Variants in AFF1 observed in about 807,000 individuals in gnomAD.
AFF1 encodes AF4/FMR2 family member 1.
AFF1 carries 48 observed loss-of-function variants against 121.7 expected under a neutral mutation model. The ratio of observed to expected loss-of-function variants is 0.39; its 90% CI spans 0.31 to 0.50. AFF1 has a LOEUF of 0.50. AFF1 is among the 20% of genes least tolerant of loss of function. AFF1 has a pLI of 0.76. For synonymous variants in AFF1, 613 were observed against 563.0 expected (o/e 1.09, Z -1.26); for missense variants, 1,523 against 1,511.7 (o/e 1.01, Z -0.12).
At chr4:87,041,996 C>G (rs1466656162) in intron 2 of AFF1, among the ~76,000 whole-genome samples, 1 of 145,100 alleles carries the variant, frequency 6.9e-6, no homozygotes, top group Non-Finnish European at 1.5e-5. Context: ...GGCGACAGAG[C>G]GAGACTCCAT....
chr4:86,991,851 T>C (rs1210177189), intron 2 of AFF1, among the ~76,000 whole-genome samples: 3 of 151,668 alleles, frequency 2.0e-5, no homozygotes, highest in Non-Finnish European at 2.9e-5. Context: ...TTTTTTTTTT[T>C]TTTACATCCT....
intron 2 of AFF1, among the ~76,000 whole-genome samples, chr4:87,022,596 ATCTGTG>A (rs1728089777): frequency 2.9e-5 from 3 of 102,692 alleles, no homozygotes; most frequent in Non-Finnish European, 5.9e-5. Context: ...ATCTATATCT[ATCTGTG>A]TGTATATATA....
intron 15 of AFF1, 35 bp from the exon 16 acceptor site, chr4:87,127,608 C>T (rs1728414415): frequency 1.9e-6 from 3 of 1,612,772 alleles, no homozygotes; most frequent in South Asian, 1.1e-5. Flanking sequence ...ATTTTTGGCT[C>T]ATATGACCTG....
At chr4:87,062,367 T>G (rs141824357) in intron 4 of AFF1, among the ~76,000 whole-genome samples, 2 of 152,218 alleles carry the variant, frequency 1.3e-5, no homozygotes, top group Non-Finnish European at 2.9e-5. Flanking sequence ...ATACAGGCAC[T>G]GATCCCATCC....
Position 87,102,351 on chromosome 4 carries a change from G to C in AFF1, c.1284-3277G>C, listed in dbSNP as rs182059811. Among the ~76,000 whole-genome samples the C allele has an allele frequency of 4.6e-5, 7 of 152,208 alleles. No homozygotes were observed. In the East Asian group the frequency reaches 1.2e-3, roughly 25 times the overall value. ...CTTCATAAGGGAAACATAACATATT[G>C]AGTTCCAATAGGAAAGTAGTTTTAT... On this transcript the variant is annotated intron_variant, in intron 8 of 20. Coordinates refer to ENST00000395146, the MANE Select transcript of AFF1 (RefSeq NM_001166693.3).
At chr4:87,108,972 G>A (rs1726201170) in intron 11 of AFF1, among the ~76,000 whole-genome samples, 1 of 152,110 alleles carries the variant, frequency 6.6e-6, no homozygotes, top group African/African-American at 2.4e-5. Flanking sequence ...TAAATCTAGA[G>A]GATTTATGCT....
intron 16 of AFF1, among the ~76,000 whole-genome samples, chr4:87,129,634 C>A (rs1224617883): frequency 6.6e-6 from 1 of 152,186 alleles, no homozygotes. Flanking sequence ...TTTGTTCTGT[C>A]ACTAATCTGA....
At chr4:86,997,505 G>C (rs1004776390) in intron 2 of AFF1, among the ~76,000 whole-genome samples, 1 of 152,032 alleles carries the variant, frequency 6.6e-6, no homozygotes, top group Non-Finnish European at 1.5e-5. Flanking sequence ...GCTCATGCCT[G>C]TAATCCCAGC....
chr4:86,978,172 A>C (rs993390870), intron 2 of AFF1, among the ~76,000 whole-genome samples: 1 of 50,758 alleles, frequency 2.0e-5, no homozygotes, highest in Non-Finnish European at 4.8e-5. Flanking sequence ...TTCTCATTAC[A>C]TTCACTTTTT....
rs2149811597 is a variant in AFF1, at chr4:87,137,990, A to G, written c.*2289A>G. On this transcript the variant is annotated 3_prime_UTR_variant, in exon 21 of 21. Transcript: ENST00000395146. ...CCAGGTAGATTTCTCAGCCAGCTCTAAAACAGATTGCTTTTTCAGTGGCCT... is the reference window on the plus strand; with the variant it reads ...CCAGGTAGATTTCTCAGCCAGCTCTGAAACAGATTGCTTTTTCAGTGGCCT... 1 of 230,944 alleles carries G rather than the reference A, an allele frequency of 4.3e-6. No homozygotes were observed. The highest frequency in any genetic ancestry group is 1.8e-4 in the South Asian group (1 of 5,460). The allele number at this position is 230,944 out of a possible 1,614,324, so 14.3% of individuals were successfully genotyped here. A position where few individuals can be genotyped will look rare whatever the true frequency, so the allele number is the denominator to read the frequency against.
intron 2 of AFF1, among the ~76,000 whole-genome samples, chr4:86,961,746 C>A (rs1294060126): frequency 6.6e-6 from 1 of 151,838 alleles, no homozygotes; most frequent in African/African-American, 2.4e-5. Context: ...CTTTTCATCG[C>A]CGTGGTGAGA....
chr4:87,030,426 T>C (rs1013149576), intron 2 of AFF1, among the ~76,000 whole-genome samples: 4 of 152,266 alleles, frequency 2.6e-5, no homozygotes, highest in South Asian at 2.1e-4. Context: ...CCCATCCTTT[T>C]ATTTCTTGCT....
At chr4:86,974,760 T>C (rs1723180288) in intron 2 of AFF1, among the ~76,000 whole-genome samples, 1 of 152,200 alleles carries the variant, frequency 6.6e-6, no homozygotes, top group Non-Finnish European at 1.5e-5. Context: ...GTACACGGTG[T>C]TTTGCTCACG....
In AFF1 at chr4:87,113,290, CT is replaced by C. The variant is rs113469896; in HGVS notation, c.1534-1067del. On this transcript the variant is annotated intron_variant, in intron 11 of 20. Transcript: ENST00000395146. The stretch of plus-strand genomic sequence containing the variant: ...TATAATGAGAGATTTGATGTATGAC[CT>C]TTTTTTTTTGAGACCAATGTGTCAC... 3.8e-3 allele frequency among the ~76,000 whole-genome samples: 561 copies of C among 148,876 alleles called. 4 individuals carry two copies. Among genetic ancestry groups the C allele is most frequent in the African/African-American group, 0.013 (525 of 40,572 alleles).
chr4:87,057,772 T>C (rs1560582861), intron 4 of AFF1, among the ~76,000 whole-genome samples: 1 of 152,200 alleles, frequency 6.6e-6, no homozygotes, highest in Non-Finnish European at 1.5e-5. Context: ...GACTTGATTT[T>C]AAAGTATTAA....
intron 4 of AFF1, among the ~76,000 whole-genome samples, chr4:87,055,983 T>G (rs1720092407): frequency 6.6e-6 from 1 of 152,242 alleles, no homozygotes. Context: ...GAAATAACTC[T>G]ATTGATGGTT....
chr4:86,971,905 GACTGGAGGATC>G (rs1272821821), intron 2 of AFF1, among the ~76,000 whole-genome samples: 1 of 152,142 alleles, frequency 6.6e-6, no homozygotes, highest in Non-Finnish European at 1.5e-5. Context: ...GGGAGGCTAA[GACTGGAGGATC>G]ACTTGAGCCC....
At chr4:86,975,662 C>T (rs1275443279) in intron 2 of AFF1, among the ~76,000 whole-genome samples, 1 of 152,020 alleles carries the variant, frequency 6.6e-6, no homozygotes, top group Admixed American at 6.6e-5. Context: ...TTTTCTCCCC[C>T]CAAGGAACTA....
At chr4:87,070,570 G>A (rs930042761) in intron 4 of AFF1, among the ~76,000 whole-genome samples, 3 of 152,244 alleles carry the variant, frequency 2.0e-5, no homozygotes, top group Non-Finnish European at 4.4e-5. Context: ...TATGATGTAT[G>A]TGTGCGTATG....
Sources: allele counts gnomAD v4.1 joint callset (sites outside exome capture counted in the v4.1 genomes callset), GRCh38; gene constraint gnomAD v4.1.1; transcripts MANE v1.5; gene names NCBI Gene and HGNC (gene_info 2026-07-23, HGNC 2026-07-21).